The following CREB1 variants were observed in gnomAD, a reference collection of about 807,000 sequenced individuals.
CREB1 encodes cyclic AMP-responsive element-binding protein 1.
Under a neutral mutation model 42.0 loss-of-function variants are expected in CREB1, and 2 were observed. The observed-to-expected ratio is 0.05, with a 90% CI of 0.02 to 0.15. The LOEUF (loss-of-function observed/expected upper bound fraction) is 0.15. CREB1 is among the 10% of genes least tolerant of loss of function. CREB1 has a pLI of 1.00. For missense variants in CREB1, 199 were observed against 388.9 expected (o/e 0.51, Z 4.11); for synonymous variants, 123 against 139.9 (o/e 0.88, Z 0.85).
intron 7 of CREB1, among the ~76,000 whole-genome samples, chr2:207,579,307 G>C (rs1476528228): frequency 1.3e-5 from 2 of 151,638 alleles, no homozygotes; most frequent in African/African-American, 4.9e-5. Flanking sequence ...TCAAGCACAG[G>C]CTGAGTAGTA....
intron 1 of CREB1, among the ~76,000 whole-genome samples, 163 bp downstream of exon 1, chr2:207,530,297 A>C (rs964452201): frequency 1.3e-5 from 2 of 151,486 alleles, no homozygotes; most frequent in Non-Finnish European, 3.0e-5. Flanking sequence ...CGCCGCTCGC[A>C]GCGAACAAAG....
chr2:207,533,979 A>G (rs554373732), intron 1 of CREB1, among the ~76,000 whole-genome samples: 10 of 152,314 alleles, frequency 6.6e-5, no homozygotes, highest in Non-Finnish European at 1.5e-4. Context: ...ACTACTACTT[A>G]TTTCATAAGA....
At chr2:207,563,490 T>TA (rs1397912348) in intron 3 of CREB1, among the ~76,000 whole-genome samples, 1 of 152,192 alleles carries the variant, frequency 6.6e-6, no homozygotes, top group East Asian at 1.9e-4. Context: ...AAAGCTTGCA[T>TA]AATTGGTAGA....
intron 7 of CREB1, among the ~76,000 whole-genome samples, chr2:207,596,473 A>T (rs1416056821): frequency 1.3e-5 from 2 of 152,126 alleles, no homozygotes; most frequent in Admixed American, 1.3e-4. Flanking sequence ...CACTCTTGTC[A>T]CTCAGGCTGG....
chr2:207,605,527 A>T lies in CREB1; in HGVS notation c.*8469A>T, dbSNP rs558870943. 4.1e-5 allele frequency among the ~76,000 whole-genome samples: 6 copies of T among 147,880 alleles called. No individual in the cohort carries two copies. In the South Asian group the frequency reaches 1.3e-3, roughly 31 times the overall value. On this transcript the variant is annotated 3_prime_UTR_variant, in exon 8 of 8. Coordinates refer to ENST00000353267, the MANE Select transcript of CREB1 (RefSeq NM_004379.5). Reference sequence around the variant, plus strand: ...TACTTTATGTAATATGTACACTTCTAAAAAAAAGAAACATGGAAAAGGGCA... The same window carrying T: ...TACTTTATGTAATATGTACACTTCTTAAAAAAAGAAACATGGAAAAGGGCA...
At chr2:207,547,056 T>C (rs1024072785) in intron 1 of CREB1, among the ~76,000 whole-genome samples, 4 of 152,228 alleles carry the variant, frequency 2.6e-5, no homozygotes, top group African/African-American at 4.8e-5. Context: ...TTGACATCTT[T>C]TGTTCTCCAT....
At chr2:207,569,403 TTTTTTGTTTTTG>T (rs943283419) in intron 4 of CREB1, among the ~76,000 whole-genome samples, 1 of 152,128 alleles carries the variant, frequency 6.6e-6, no homozygotes, top group African/African-American at 2.4e-5. Context: ...GAGTGTGGTG[TTTTTTGTTTTTG>T]TTTTTGTTTT....
Position 207,604,217 on chromosome 2 carries a change from C to T in CREB1, c.*7159C>T, listed in dbSNP as rs542346938. 6.6e-6 allele frequency among the ~76,000 whole-genome samples: 1 copy of T among 152,300 alleles called. No homozygotes were observed. The highest frequency in any genetic ancestry group is 2.4e-5 in the African/African-American group (1 of 41,572). ...CCAGGCACTGAAGTGACAAGACCATCCTTGAGAAGTCACATCCAAAGATAA... is the reference window on the plus strand; with the variant it reads ...CCAGGCACTGAAGTGACAAGACCATTCTTGAGAAGTCACATCCAAAGATAA... On this transcript the variant is annotated 3_prime_UTR_variant, in exon 8 of 8. Transcript: ENST00000353267.
At chr2:207,549,363 G>A (rs1443920125) in intron 1 of CREB1, among the ~76,000 whole-genome samples, 3 of 151,926 alleles carry the variant, frequency 2.0e-5, no homozygotes. Context: ...TAACAGCTCA[G>A]TTCTGCCAGG....
At chr2:207,595,177 A>G (rs1255436908) in intron 7 of CREB1, among the ~76,000 whole-genome samples, 2 of 150,764 alleles carry the variant, frequency 1.3e-5, no homozygotes, top group Non-Finnish European at 1.5e-5. Flanking sequence ...TGTATTTTTA[A>G]TAGAGATGGA....
intron 7 of CREB1, among the ~76,000 whole-genome samples, chr2:207,591,022 A>G (rs1387384032): frequency 1.3e-5 from 2 of 152,186 alleles, no homozygotes; most frequent in East Asian, 3.8e-4. Context: ...CAAATAATCG[A>G]GGATCTTCCC....
At chr2:207,560,104 A>G (rs1383268243) in intron 2 of CREB1, 122 bp from the exon 3 acceptor site, 5 of 767,006 alleles carry the variant, frequency 6.5e-6, no homozygotes, top group Non-Finnish European at 9.9e-6. Flanking sequence ...CTTTCATATC[A>G]GTGAAATACA....
At chr2:207,545,771 C>G (rs374163403) in intron 1 of CREB1, among the ~76,000 whole-genome samples, 1 of 140,292 alleles carries the variant, frequency 7.1e-6, no homozygotes, top group East Asian at 2.1e-4. Context: ...TTCGCTCTTT[C>G]TGCCCAGGCT....
chr2:207,546,599 TGC>T (rs2081309946), intron 1 of CREB1, among the ~76,000 whole-genome samples: 1 of 151,862 alleles, frequency 6.6e-6, no homozygotes, highest in Non-Finnish European at 1.5e-5. Flanking sequence ...TGGTGGCGGG[TGC>T]CTGTAATCCC....
At position 207,602,169 on chromosome 2, in the gene CREB1, A is replaced by C. The variant is rs1575071223; in HGVS notation, c.*5111A>C. 5.1e-6 allele frequency: 1 copy of C among 195,416 alleles called. No homozygotes were observed. Among genetic ancestry groups the C allele is most frequent in the East Asian group, 8.0e-5 (1 of 12,542 alleles). The allele number at this position is 195,416 out of a possible 1,614,324, so 12.1% of individuals were successfully genotyped here. The stretch of plus-strand genomic sequence containing the variant: ...GCAGACCGACTTTAAGAGGGACCAG[A>C]TAACGTTTGAATGGAGGGATTATAT... On this transcript the variant is annotated 3_prime_UTR_variant, in exon 8 of 8. Coordinates refer to ENST00000353267, the MANE Select transcript of CREB1 (RefSeq NM_004379.5).
At chr2:207,546,728 C>A (rs951198658) in intron 1 of CREB1, among the ~76,000 whole-genome samples, 2 of 147,192 alleles carry the variant, frequency 1.4e-5, no homozygotes, top group Non-Finnish European at 1.5e-5. Flanking sequence ...GACCCTATAT[C>A]AAAAAAAAAA....
At chr2:207,575,150 T>C in intron 5 of CREB1, 122 bp from the exon 6 acceptor site, 1 of 988,564 alleles carries the variant, frequency 1.0e-6, no homozygotes, top group Non-Finnish European at 1.5e-6. Context: ...AGACCCTTCT[T>C]GGTGATGTTA....
At chr2:207,580,773 C>T (rs2082868697) in intron 7 of CREB1, 1 of 224,834 alleles carries the variant, frequency 4.4e-6, no homozygotes, top group Non-Finnish European at 8.9e-6. Context: ...TTCTTCCTCA[C>T]TTCTGTTACA....
intron 7 of CREB1, among the ~76,000 whole-genome samples, chr2:207,586,976 A>G (rs1396058143): frequency 6.6e-6 from 1 of 152,250 alleles, no homozygotes; most frequent in African/African-American, 2.4e-5. Context: ...AAAGACAAGA[A>G]GTAAACACTG....
Sources: allele counts gnomAD v4.1 joint callset (sites outside exome capture counted in the v4.1 genomes callset), GRCh38; gene constraint gnomAD v4.1.1; transcripts MANE v1.5; gene names NCBI Gene and HGNC (gene_info 2026-07-23, HGNC 2026-07-21).